ERBB4: variants seen among roughly 807,000 people sequenced by gnomAD.
ERBB4 encodes the protein erb-b2 receptor tyrosine kinase 4.
In ERBB4, 42 loss-of-function variants were observed where a neutral mutation model predicts 158.0. The ratio of observed to expected loss-of-function variants is 0.27; its 90% confidence interval spans 0.21 to 0.34. The LOEUF is 0.34. Among genes scored for constraint, ERBB4 ranks in the 10% least tolerant of loss-of-function variants. The pLI, the probability that ERBB4 is intolerant of heterozygous loss-of-function variation, is 1.00. For synonymous variants in ERBB4, 583 were observed against 558.7 expected (o/e 1.04, Z -0.61); for missense variants, 1,333 against 1,624.1 (o/e 0.82, Z 3.08).
intron 2 of ERBB4, among the ~76,000 whole-genome samples, chr2:212,083,347 C>A (rs2078502289): frequency 6.6e-6 from 1 of 151,842 alleles, no homozygotes; most frequent in Admixed American, 6.6e-5. Flanking sequence ...GAGCTATAAA[C>A]AAGGGGTAAT....
intron 3 of ERBB4, among the ~76,000 whole-genome samples, chr2:211,815,020 A>C (rs960951175): frequency 6.6e-6 from 1 of 152,218 alleles, no homozygotes; most frequent in Non-Finnish European, 1.5e-5. Flanking sequence ...CAGAGTAATT[A>C]TAAATAATAC....
chr2:212,262,373 T>C (rs1233024492), intron 1 of ERBB4, among the ~76,000 whole-genome samples: 1 of 152,156 alleles, frequency 6.6e-6, no homozygotes, highest in African/African-American at 2.4e-5. Context: ...TATCCACATA[T>C]ATATATCTAT....
intron 1 of ERBB4, among the ~76,000 whole-genome samples, chr2:212,150,368 A>G (rs2080828442): frequency 6.6e-6 from 1 of 152,190 alleles, no homozygotes; most frequent in African/African-American, 2.4e-5. Context: ...CACCAGTCAT[A>G]TTGGATTAGG....
At chr2:211,503,014 T>G (rs1166956202) in intron 20 of ERBB4, among the ~76,000 whole-genome samples, 3 of 152,044 alleles carry the variant, frequency 2.0e-5, no homozygotes, top group African/African-American at 4.8e-5. Flanking sequence ...CATGGCTACT[T>G]GCTTGGCCTC....
intron 3 of ERBB4, among the ~76,000 whole-genome samples, chr2:211,909,416 AGTACACT>A (rs750970537): frequency 4.6e-4 from 70 of 151,936 alleles, no homozygotes; most frequent in Non-Finnish European, 6.9e-4. Flanking sequence ...AACATCGTAA[AGTACACT>A]GTATTTACAC....
chr2:211,749,818 CA>C (rs1238931676), intron 5 of ERBB4, among the ~76,000 whole-genome samples: 2 of 152,036 alleles, frequency 1.3e-5, no homozygotes, highest in Non-Finnish European at 2.9e-5. Context: ...TCTATGATAA[CA>C]AAGAAATATA....
At chr2:211,607,793 G>A (rs2069039860) in intron 19 of ERBB4, among the ~76,000 whole-genome samples, 1 of 151,026 alleles carries the variant, frequency 6.6e-6, no homozygotes, top group South Asian at 2.1e-4. Flanking sequence ...TAGATTGTAT[G>A]ATAATCACTT....
At chr2:211,944,858 G>A (rs976856701) in intron 3 of ERBB4, among the ~76,000 whole-genome samples, 6 of 152,044 alleles carry the variant, frequency 3.9e-5, no homozygotes, top group Non-Finnish European at 7.4e-5. Flanking sequence ...TCATGGTGAT[G>A]GTCCATTAAG....
At chr2:211,628,486 A>G (rs1479052701) in intron 17 of ERBB4, among the ~76,000 whole-genome samples, 2 of 152,322 alleles carry the variant, frequency 1.3e-5, no homozygotes, top group Admixed American at 1.3e-4. Context: ...ATGTCCCTAC[A>G]AAGAACATGA....
chr2:211,573,821 C>T lies in ERBB4; in HGVS notation c.2302-11733G>A, dbSNP rs145977322. On this transcript the variant is annotated intron_variant, in intron 19 of 27. Transcript: ENST00000342788. The stretch of plus-strand genomic sequence containing the variant: ...TGCTAGAGACACTCAGTGCTTTAAG[C>T]AACAAGAACTGATTTATTGGGAGGT... Among the ~76,000 whole-genome samples, 176 of 152,240 alleles carry T rather than the reference C, an allele frequency of 1.2e-3. 2 individuals carry two copies. Among genetic ancestry groups the T allele is most frequent in the African/African-American group, 3.8e-3 (160 of 41,560 alleles).
intron 16 of ERBB4, among the ~76,000 whole-genome samples, chr2:211,655,811 C>G (rs528505932): frequency 1.3e-5 from 2 of 152,288 alleles, no homozygotes; most frequent in South Asian, 4.1e-4. Context: ...TTACCTTGCT[C>G]GAAATAACTA....
chr2:211,740,471 A>C (rs559727048), intron 5 of ERBB4, among the ~76,000 whole-genome samples: 4 of 152,152 alleles, frequency 2.6e-5, no homozygotes, highest in African/African-American at 9.6e-5. Context: ...ACTCACATTT[A>C]TTTTAATATA....
At chr2:211,921,633 A>G (rs1327025728) in intron 3 of ERBB4, among the ~76,000 whole-genome samples, 1 of 152,080 alleles carries the variant, frequency 6.6e-6, no homozygotes, top group African/African-American at 2.4e-5. Flanking sequence ...AATGACATCA[A>G]ATAGGACAAT....
chr2:212,062,280 C>T (rs1216473397), intron 2 of ERBB4, among the ~76,000 whole-genome samples: 7 of 151,998 alleles, frequency 4.6e-5, no homozygotes, highest in South Asian at 4.2e-4. Flanking sequence ...TCTCCATTCA[C>T]GTGTCAACAA....
intron 1 of ERBB4, among the ~76,000 whole-genome samples, chr2:212,258,875 T>C (rs1399563775): frequency 6.6e-6 from 1 of 151,978 alleles, no homozygotes; most frequent in Non-Finnish European, 1.5e-5. Flanking sequence ...TACACAACTT[T>C]CCTGTGTCTC....
intron 2 of ERBB4, among the ~76,000 whole-genome samples, chr2:212,016,039 A>AT (rs397938141): frequency 6.6e-6 from 1 of 151,844 alleles, no homozygotes; most frequent in Non-Finnish European, 1.5e-5. Flanking sequence ...AAAAAAAAAA[A>AT]TGCATTGGTG....
chr2:211,632,701 G>A (rs1018172545), intron 16 of ERBB4, among the ~76,000 whole-genome samples: 11 of 151,636 alleles, frequency 7.3e-5, no homozygotes, highest in African/African-American at 2.4e-4. Context: ...TTCTTATTTT[G>A]GTGGAGATTG....
At chr2:212,424,772 A>G (rs2091870701) in intron 1 of ERBB4, among the ~76,000 whole-genome samples, 1 of 152,020 alleles carries the variant, frequency 6.6e-6, no homozygotes, top group Non-Finnish European at 1.5e-5. Context: ...GTGAAAGAGA[A>G]CAGTTGGAAA....
At chr2:211,850,982 A>ACT (rs1422210078) in intron 3 of ERBB4, among the ~76,000 whole-genome samples, 1 of 151,844 alleles carries the variant, frequency 6.6e-6, no homozygotes, top group African/African-American at 2.4e-5. Flanking sequence ...AGTTGTTTTG[A>ACT]CTCTGCTCTG....
Sources: gnomAD v4.1 joint callset for allele counts (sites outside exome capture counted in the v4.1 genomes callset) on GRCh38, gnomAD v4.1.1 for gene constraint, MANE v1.5 for transcripts, NCBI Gene and HGNC (gene_info 2026-07-23, HGNC 2026-07-21) for gene names.